The following MCUB variants were observed in gnomAD, a reference collection of about 807,000 sequenced individuals.
MCUB encodes the protein mitochondrial calcium uniporter dominant negative subunit beta.
In MCUB, 46 loss-of-function variants were observed where a neutral mutation model predicts 41.4. That is an observed-to-expected ratio of 1.11 (90% CI 0.88 to 1.42). The LOEUF (loss-of-function observed/expected upper bound fraction) is 1.42, where lower values mean the gene tolerates loss of function less well. Among genes scored for constraint, MCUB ranks in the 40% most tolerant of loss-of-function variants. The pLI is 0.00. For synonymous variants in MCUB, 148 were observed against 148.2 expected (o/e 1.00, Z 0.01); for missense variants, 403 against 404.9 (o/e 1.00, Z 0.04).
At chr4:109,581,157 G>A (rs1383409434) in intron 1 of MCUB, among the ~76,000 whole-genome samples, 2 of 152,198 alleles carry the variant, frequency 1.3e-5, no homozygotes, top group African/African-American at 4.8e-5. Context: ...AACCAAAACA[G>A]CATGGTACTG....
intron 1 of MCUB, among the ~76,000 whole-genome samples, chr4:109,564,217 C>A (rs1022532101): frequency 6.6e-6 from 1 of 152,004 alleles, no homozygotes; most frequent in African/African-American, 2.4e-5. Flanking sequence ...ACTGCAACCT[C>A]CGCCTCCCGG....
intron 7 of MCUB, among the ~76,000 whole-genome samples, chr4:109,686,866 G>C (rs1196258896): frequency 2.0e-5 from 3 of 151,644 alleles, no homozygotes; most frequent in African/African-American, 7.3e-5. Context: ...AACAGAGCAA[G>C]ACCCCATCTC....
chr4:109,605,641 C>T (rs528118392), intron 1 of MCUB, among the ~76,000 whole-genome samples: 1 of 152,266 alleles, frequency 6.6e-6, no homozygotes, highest in South Asian at 2.1e-4. Context: ...AAGTCTCCAG[C>T]TATTATTGTT....
At chr4:109,659,189 A>C in intron 2 of MCUB, 103 bp downstream of exon 2, 1 of 717,686 alleles carries the variant, frequency 1.4e-6, no homozygotes, top group Non-Finnish European at 2.5e-6. Context: ...TTCTTACACT[A>C]TCCCCATCCC....
chr4:109,579,287 G>A (rs1348154084), intron 1 of MCUB, among the ~76,000 whole-genome samples: 2 of 149,718 alleles, frequency 1.3e-5, no homozygotes, highest in Non-Finnish European at 3.0e-5. Flanking sequence ...GTCTCGCTCT[G>A]TCACCAGGCT....
intron 5 of MCUB, chr4:109,683,235 G>C (rs974644002): frequency 6.6e-6 from 1 of 152,514 alleles, no homozygotes; most frequent in Admixed American, 6.5e-5. Flanking sequence ...GGGGAAATTG[G>C]TTTGTTTCAA....
At chr4:109,650,390 G>A (rs1728935146) in intron 1 of MCUB, among the ~76,000 whole-genome samples, 1 of 151,952 alleles carries the variant, frequency 6.6e-6, no homozygotes, top group Non-Finnish European at 1.5e-5. Context: ...ATGCAAAAAA[G>A]GTTTAATATT....
rs1040669964 is a variant in MCUB at position 109,560,305 on chromosome 4, C to T, written c.-33C>T. On this transcript the variant is annotated 5_prime_UTR_variant, in exon 1 of 8. The change creates a new upstream start codon in the 5' untranslated region. Transcript: ENST00000394650. The stretch of plus-strand genomic sequence containing the variant: ...CGGCTGAGGGAGGATGCGCCGCTGA[C>T]GCCTGCGGGAGCCGCGCGCCTGGGG... 5.4e-6 allele frequency: 6 copies of T among 1,120,424 alleles called. No individual in the cohort carries two copies. The highest frequency in any genetic ancestry group is 6.8e-6 in the Non-Finnish European group (6 of 881,310). The allele number at this position is 1,120,424 out of a possible 1,614,324, so 69.4% of individuals were successfully genotyped here.
intron 7 of MCUB, among the ~76,000 whole-genome samples, chr4:109,686,734 G>A (rs1729848745): frequency 6.6e-6 from 1 of 152,108 alleles, no homozygotes; most frequent in Non-Finnish European, 1.5e-5. Context: ...AAATTAGCTG[G>A]ACATGGTGGC....
chr4:109,579,880 CTTT>C (rs965616186), intron 1 of MCUB, among the ~76,000 whole-genome samples: 3 of 151,986 alleles, frequency 2.0e-5, no homozygotes, highest in Non-Finnish European at 4.4e-5. Flanking sequence ...GAACATAAAA[CTTT>C]TTATTATTTT....
intron 1 of MCUB, among the ~76,000 whole-genome samples, chr4:109,614,760 T>G (rs1728090284): frequency 2.0e-5 from 3 of 152,020 alleles, no homozygotes; most frequent in Admixed American, 2.0e-4. Flanking sequence ...ACCTCAGCTC[T>G]AGAATCAGAC....
chr4:109,577,377 A>T (rs958620946), intron 1 of MCUB, among the ~76,000 whole-genome samples: 1 of 152,126 alleles, frequency 6.6e-6, no homozygotes, highest in African/African-American at 2.4e-5. Context: ...ACGATAGCTA[A>T]TGCTTAGCAT....
intron 1 of MCUB, among the ~76,000 whole-genome samples, chr4:109,603,948 G>A (rs1426254003): frequency 1.3e-5 from 2 of 152,328 alleles, no homozygotes; most frequent in African/African-American, 4.8e-5. Context: ...ATAGAAAAGG[G>A]GGAAATGTGG....
At chr4:109,687,015 G>A (rs1160508541) in intron 7 of MCUB, among the ~76,000 whole-genome samples, 3 of 140,900 alleles carry the variant, frequency 2.1e-5, no homozygotes, top group African/African-American at 9.7e-5. Context: ...GGTATAAACT[G>A]TATTTTTTTT....
intron 1 of MCUB, among the ~76,000 whole-genome samples, chr4:109,591,122 C>T (rs1293923504): frequency 2.0e-5 from 3 of 152,084 alleles, no homozygotes; most frequent in Non-Finnish European, 4.4e-5. Context: ...CTGTCTACTG[C>T]ACAGCTGCCA....
intron 4 of MCUB, among the ~76,000 whole-genome samples, chr4:109,667,000 T>G (rs985426738): frequency 2.0e-4 from 30 of 152,198 alleles, no homozygotes; most frequent in African/African-American, 7.0e-4. Flanking sequence ...ATTATTTTGC[T>G]GAGGATTTTT....
chr4:109,569,235 A>T (rs917979559), intron 1 of MCUB, among the ~76,000 whole-genome samples: 1 of 151,372 alleles, frequency 6.6e-6, no homozygotes. Flanking sequence ...TTTAGTAGAG[A>T]CGGGGTTTCA....
Position 109,560,424 on chromosome 4 carries a change from G to T in MCUB, c.87G>T (p.Pro29=), listed in dbSNP as rs1406129007. 1.5e-6 allele frequency: 2 copies of T among 1,292,864 alleles called. No individual in the cohort carries two copies. Among genetic ancestry groups the T allele is most frequent in the East Asian group, 3.1e-5 (1 of 31,984 alleles). 80.1% of individuals were successfully genotyped at this position (1,292,864 alleles called of 1,614,324 possible). Residue 29 remains proline, a synonymous_variant, in exon 1 of 8, where the codon CCG becomes CCT. Coordinates refer to ENST00000394650, the MANE Select transcript of MCUB (RefSeq NM_017918.5). ...TWRPARPWPL[P]PPPQVLRVKL... ...GCCCAGCGCGCCCGTGGCCGCTGCC[G>T]CCTCCGCCCCAGGTAAGAGCGGGTG...
intron 4 of MCUB, among the ~76,000 whole-genome samples, chr4:109,665,592 A>G (rs1158555105): frequency 6.6e-6 from 1 of 152,238 alleles, no homozygotes; most frequent in Non-Finnish European, 1.5e-5. Context: ...TTAAATCTCT[A>G]GATTACTTAC....
Sources: gnomAD v4.1 joint callset for allele counts (sites outside exome capture counted in the v4.1 genomes callset) on GRCh38, gnomAD v4.1.1 for gene constraint, MANE v1.5 for transcripts, NCBI Gene and HGNC (gene_info 2026-07-23, HGNC 2026-07-21) for gene names.